STAT3: variants seen among roughly 807,000 people sequenced by gnomAD.
STAT3 encodes DNA-binding protein APRF.
In STAT3, 7 loss-of-function variants were observed where a neutral mutation model predicts 114.3. That is an observed-to-expected ratio of 0.06 (90% confidence interval 0.03 to 0.11). The LOEUF (loss-of-function observed/expected upper bound fraction) is 0.11, where lower values mean the gene tolerates loss of function less well. Ranked by LOEUF, STAT3 falls within the 10% of genes least tolerant of loss-of-function variation. The pLI is 1.00. For missense variants in STAT3, 364 were observed against 960.9 expected (o/e 0.38, Z 8.21); for synonymous variants, 331 against 354.5 (o/e 0.93, Z 0.74).
chr17:42,336,684 A>T (rs2144863256), intron 8 of STAT3, among the ~76,000 whole-genome samples: 1 of 151,230 alleles, frequency 6.6e-6, no homozygotes, highest in East Asian at 1.9e-4. Flanking sequence ...ATACATAATG[A>T]CAGATGTCTA....
chr17:42,359,383 C>T (rs1428119378), intron 1 of STAT3, among the ~76,000 whole-genome samples: 2 of 152,026 alleles, frequency 1.3e-5, no homozygotes, highest in African/African-American at 4.8e-5. Context: ...CTTATCATAT[C>T]GGGAGGGAAG....
At chr17:42,368,857 C>T (rs1416990212) in intron 1 of STAT3, among the ~76,000 whole-genome samples, 1 of 151,854 alleles carries the variant, frequency 6.6e-6, no homozygotes, top group South Asian at 2.1e-4. Context: ...AGTATTAAGC[C>T]CAATACCCAA....
In STAT3 at chr17:42,337,486, A is replaced by G. The variant is rs767159289; in HGVS notation, c.746T>C (p.Ile249Thr). The change falls in exon 8 of 24, where the codon ATT becomes ACT. Residue 249 changes from isoleucine to threonine, a missense_variant. By Grantham distance (89) the Ile-to-Thr change is moderately conservative. Coordinates refer to ENST00000264657, the MANE Select transcript of STAT3 (RefSeq NM_139276.3). The surrounding 1 kb of genome is among the most constrained non-coding windows in gnomAD (Gnocchi z 4.0). ...ELADWKRRQQ[I>T]ACIGGPPNIC... Reference sequence around the variant, plus strand: ...GTTGGGCGGGCCTCCAATGCAGGCAATCTGTTGCCGCCTCTTCCAGTCAGC... The same window carrying G: ...GTTGGGCGGGCCTCCAATGCAGGCAGTCTGTTGCCGCCTCTTCCAGTCAGC... 32 of 1,614,074 alleles carry G rather than the reference A, an allele frequency of 2.0e-5. No homozygotes were observed. The highest frequency in any genetic ancestry group is 2.5e-5 in the Non-Finnish European group (30 of 1,180,038).
chr17:42,321,171 G>A (rs940898851), intron 21 of STAT3, among the ~76,000 whole-genome samples: 1 of 143,078 alleles, frequency 7.0e-6, no homozygotes, highest in Non-Finnish European at 1.5e-5. Context: ...CCAGGCTGGA[G>A]TGCAGTGGTG....
intron 10 of STAT3, among the ~76,000 whole-genome samples, chr17:42,332,420 C>T (rs2082059856): frequency 7.0e-6 from 1 of 143,438 alleles, no homozygotes; most frequent in African/African-American, 2.6e-5. Context: ...TACCTGTAAT[C>T]CCAGCTACTT....
rs541693863 is a variant in STAT3 at position 42,330,023 on chromosome 17, G to A, written c.1110-247C>T. On this transcript the variant is annotated intron_variant, in intron 11 of 23. Coordinates refer to ENST00000264657, the MANE Select transcript of STAT3 (RefSeq NM_139276.3). The stretch of plus-strand genomic sequence containing the variant: ...TGTACTTATTAAACCTACCACCTTC[G>A]TCAACTCCCTTATTTCATTATTTTC... Among the ~76,000 whole-genome samples the A allele has an allele frequency of 7.9e-5, 12 of 152,152 alleles. No homozygotes were observed. The South Asian group carries it at 1.9e-3, about 24-fold the overall frequency.
Position 42,329,729 on chromosome 17 carries a change from C to T in STAT3, c.1139+18G>A, listed in dbSNP as rs758662811. 1.9e-6 allele frequency: 3 copies of T among 1,614,228 alleles called. No homozygotes were observed. Among genetic ancestry groups the T allele is most frequent in the Non-Finnish European group, 2.5e-6 (3 of 1,180,038 alleles). ...TTAGGTTAAACGGAACAAAAGGAAG[C>T]CTCTAGGCTGAACTTACCCTCTGAG... On this transcript the variant is annotated intron_variant, in intron 12 of 23. Transcript: ENST00000264657.
At chr17:42,344,411 ACT>A (rs796675255) in intron 4 of STAT3, among the ~76,000 whole-genome samples, 116 of 110,778 alleles carry the variant, frequency 1.0e-3, no homozygotes, top group African/African-American at 4.8e-3. Context: ...ACAGAGCAAG[ACT>A]CTGTCTCAAA....
Position 42,373,350 on chromosome 17 carries a change from C to CA in STAT3, c.-24+14928dup, listed in dbSNP as rs984838385. ...GGGCAAAAAGAGTGAAACTCCATCT[C>CA]AAAAAAAAGAAAAGAAAAGAAAGAA... On this transcript the variant is annotated intron_variant, in intron 1 of 23. Coordinates refer to ENST00000264657, the MANE Select transcript of STAT3 (RefSeq NM_139276.3). Among the ~76,000 whole-genome samples the CA allele has an allele frequency of 6.0e-5, 9 of 149,068 alleles. 1 individual carries two copies. The Middle Eastern group carries it at 0.014, about 232-fold the overall frequency.
At chr17:42,338,666 A>G in intron 6 of STAT3, 65 bp downstream of exon 6, 1 of 1,470,770 alleles carries the variant, frequency 6.8e-7, no homozygotes, top group Non-Finnish European at 9.5e-7. Context: ...AAGACAAATG[A>G]GTCTTTCAAC....
intron 1 of STAT3, among the ~76,000 whole-genome samples, chr17:42,360,306 T>G (rs900792740): frequency 6.6e-6 from 1 of 151,500 alleles, no homozygotes; most frequent in Non-Finnish European, 1.5e-5. Flanking sequence ...GTGCTGGGAT[T>G]ACAGATGTGA....
At chr17:42,320,784 T>A (rs2144661691) in intron 21 of STAT3, among the ~76,000 whole-genome samples, 1 of 131,782 alleles carries the variant, frequency 7.6e-6, no homozygotes, top group Admixed American at 7.4e-5. Context: ...GAAAGTTAAA[T>A]CAAACAAAGA....
intron 1 of STAT3, among the ~76,000 whole-genome samples, chr17:42,368,237 ATAAAGT>A (rs1413920564): frequency 2.6e-5 from 4 of 152,216 alleles, no homozygotes; most frequent in Non-Finnish European, 5.9e-5. Context: ...GGCATTTCCT[ATAAAGT>A]TAAACTGTTA....
chr17:42,337,641 A>G lies in STAT3; in HGVS notation c.646-55T>C. 6.2e-7 allele frequency: 1 copy of G among 1,614,120 alleles called. No homozygotes were observed. The highest frequency in any genetic ancestry group is 8.5e-7 in the Non-Finnish European group (1 of 1,179,978). The stretch of plus-strand genomic sequence containing the variant: ...ACATTTCCTCAGACTGTCTCTAACC[A>G]CATTCTTTAGTCAACTCCAGAGCAG... On this transcript the variant is annotated intron_variant, in intron 7 of 23. Transcript: ENST00000264657. The surrounding 1 kb of genome is among the most constrained non-coding windows in gnomAD (Gnocchi z 4.0).
At chr17:42,381,324 T>C (rs1437819368) in intron 1 of STAT3, among the ~76,000 whole-genome samples, 3 of 152,166 alleles carry the variant, frequency 2.0e-5, no homozygotes, top group Non-Finnish European at 4.4e-5. Context: ...GCAAGGTCAT[T>C]TATTCTTATG....
chr17:42,384,132 A>ATTTATTTAG (rs1555581274), intron 1 of STAT3, among the ~76,000 whole-genome samples: 4 of 134,914 alleles, frequency 3.0e-5, no homozygotes, highest in Non-Finnish European at 6.2e-5. Flanking sequence ...TTATTTATTT[A>ATTTATTTAG]TTTTTTTTTT....
intron 1 of STAT3, among the ~76,000 whole-genome samples, chr17:42,380,209 A>T (rs1381809496): frequency 6.6e-6 from 1 of 151,464 alleles, no homozygotes; most frequent in African/African-American, 2.4e-5. Context: ...GCTAAATTTT[A>T]TATTTTTAGT....
chr17:42,333,045 G>A lies in STAT3; in HGVS notation c.1049+628C>T, dbSNP rs1027071310. ...ATCACTCCTTCAAGCCAAAGGTACT[G>A]AGAAAACATCTAAGAACTAACAACT... On this transcript the variant is annotated intron_variant, in intron 10 of 23. Transcript: ENST00000264657. The surrounding 1 kb of genome is among the most constrained non-coding windows in gnomAD (Gnocchi z 5.2). Among the ~76,000 whole-genome samples, 5 of 152,144 alleles carry A rather than the reference G, an allele frequency of 3.3e-5. No individual in the cohort carries two copies. The highest frequency in any genetic ancestry group is 9.6e-5 in the African/African-American group (4 of 41,454).
chr17:42,359,831 C>T (rs1348564693), intron 1 of STAT3, among the ~76,000 whole-genome samples: 2 of 151,812 alleles, frequency 1.3e-5, no homozygotes, highest in Non-Finnish European at 2.9e-5. Flanking sequence ...GAGGCTGAGG[C>T]GGGTGGATCA....
Sources: gnomAD v4.1 joint callset for allele counts (sites outside exome capture counted in the v4.1 genomes callset) on GRCh38, gnomAD v4.1.1 for gene constraint, Gnocchi (gnomAD v3.1) non-coding constraint, MANE v1.5 for transcripts, NCBI Gene and HGNC (gene_info 2026-07-23, HGNC 2026-07-21) for gene names.